The following KIF24 variants were observed in gnomAD, a reference collection of about 807,000 sequenced individuals.
The protein encoded by KIF24 is kinesin-like protein KIF24.
KIF24 carries 81 observed loss-of-function variants against 118.9 expected under a neutral mutation model. The observed-to-expected ratio is 0.68, with a 90% CI of 0.57 to 0.82. The LOEUF (loss-of-function observed/expected upper bound fraction) is 0.82, where lower values mean the gene tolerates loss of function less well. KIF24 is among the 40% of genes least tolerant of loss of function. The probability of loss-of-function intolerance (pLI) is 0.00; values close to 1 mark genes in which losing one functional copy is unlikely to be tolerated. For missense variants in KIF24, 1,560 were observed against 1,661.6 expected, an observed-to-expected ratio of 0.94 and a Z score of 1.06; for synonymous variants, 599 against 610.0, an observed-to-expected ratio of 0.98 and a Z score of 0.27.
chr9:34,309,195 T>A (rs1837045047), intron 2 of KIF24, among the ~76,000 whole-genome samples: 1 of 152,208 alleles, frequency 6.6e-6, no homozygotes, highest in African/African-American at 2.4e-5. Flanking sequence ...GTATTTTTAC[T>A]TATAAGTAAT....
rs1837384266 is a variant in KIF24 at position 34,318,067 on chromosome 9, T to A, written c.-25-6696A>T. 6.6e-6 allele frequency among the ~76,000 whole-genome samples: 1 copy of A among 152,080 alleles called. No individual in the cohort carries two copies. Among genetic ancestry groups the A allele is most frequent in the South Asian group, 2.1e-4 (1 of 4,828 alleles). On this transcript the variant is annotated intron_variant, in intron 1 of 12. Coordinates refer to ENST00000402558, the MANE Select transcript of KIF24 (RefSeq NM_194313.4). The surrounding 1 kb of genome is among the most constrained non-coding windows in gnomAD (Gnocchi z 4.9). ...TGGGAGCAAAGGATTGCTTTAAGAATCCTTTCCTCAACATGTAGAAGCCTG... is the reference window on the plus strand; with the variant it reads ...TGGGAGCAAAGGATTGCTTTAAGAAACCTTTCCTCAACATGTAGAAGCCTG...
In KIF24 at chr9:34,306,353, C is replaced by T; in HGVS notation, c.712G>A (p.Val238Ile). The change falls in exon 3 of 13, where the codon GTA becomes ATA. Residue 238 changes from valine (V) to isoleucine (I), a missense_variant. Around this residue, in one of 3 missense-constraint regions of KIF24, gnomAD observed 964 missense variants for 988.0 expected, o/e 0.98. Coordinates refer to ENST00000402558, the MANE Select transcript of KIF24 (RefSeq NM_194313.4). ...ATAATATTAATTTCTCCACGACGTA[C>T]CTCCCTCATGCCCAGGGGGCGTTTT... ...VRKRPLGMRE[V>I]RRGEINIITV... The T allele has an allele frequency of 1.2e-6, 2 of 1,604,844 alleles. No homozygotes were observed. Among genetic ancestry groups the T allele is most frequent in the Non-Finnish European group, 8.5e-7 (1 of 1,171,892 alleles).
chr9:34,300,624 T>G (rs1204260976), intron 3 of KIF24, among the ~76,000 whole-genome samples: 2 of 152,248 alleles, frequency 1.3e-5, no homozygotes, highest in African/African-American at 4.8e-5. Context: ...TGCCTCGGCC[T>G]ACCAAAGTGC....
intron 1 of KIF24, among the ~76,000 whole-genome samples, chr9:34,328,109 A>G (rs978273876): frequency 6.6e-6 from 1 of 152,220 alleles, no homozygotes; most frequent in Non-Finnish European, 1.5e-5. Flanking sequence ...CTGTGAATAT[A>G]TAATCCATGA....
rs1350828515 is a variant in KIF24, at chr9:34,319,085, C to G, written c.-25-7714G>C. ...GGAAAACCGTGGCTTCATGGTGACT[C>G]GGTTCTATACCGTGGGTGTCATGGT... On this transcript the variant is annotated intron_variant, in intron 1 of 12. Coordinates refer to ENST00000402558, the MANE Select transcript of KIF24 (RefSeq NM_194313.4). 5.3e-6 allele frequency: 7 copies of G among 1,330,952 alleles called. No homozygotes were observed. The African/African-American group carries it at 1.0e-4, about 19-fold the overall frequency. The allele number at this position is 1,330,952 out of a possible 1,614,324, so 82.4% of individuals were successfully genotyped here.
chr9:34,318,651 T>C lies in KIF24; in HGVS notation c.-25-7280A>G. The C allele has an allele frequency of 6.5e-7, 1 of 1,542,290 alleles. No homozygotes were observed. Among genetic ancestry groups the C allele is most frequent in the Non-Finnish European group, 8.8e-7 (1 of 1,135,180 alleles). On this transcript the variant is annotated intron_variant, in intron 1 of 12. Coordinates refer to ENST00000402558, the MANE Select transcript of KIF24 (RefSeq NM_194313.4). This position sits in a 1 kb window ranked among gnomAD's most constrained non-coding sequence, Gnocchi z 4.9. ...GCCTCGTCGTTGGGGCTCGTGTCGC[T>C]GGGCGGCAAGGCGACCACGGCGTCG... is the stretch of plus-strand genomic sequence containing the variant.
chr9:34,311,124 C>T lies in KIF24; in HGVS notation c.223G>A (p.Glu75Lys), dbSNP rs1391244166. Residue 75 changes from glutamate to lysine, a missense_variant, in exon 2 of 13, where the codon GAG (glutamate) becomes AAG (lysine). Transcript: ENST00000402558. ...QEEDKAVSIPERHLQTSSLRI... is the reference protein window; with the variant it reads ...QEEDKAVSIPKRHLQTSSLRI... ...AGGCTGCTTGTCTGAAGATGACGCT[C>T]TGGGATACTGACTGCTTTATCTTCT... The T allele has an allele frequency of 1.9e-6, 3 of 1,613,750 alleles. No homozygotes were observed. The highest frequency in any genetic ancestry group is 1.1e-5 in the South Asian group (1 of 91,062).
intron 6 of KIF24, among the ~76,000 whole-genome samples, chr9:34,279,999 T>A (rs1399459860): frequency 6.6e-6 from 1 of 152,072 alleles, no homozygotes; most frequent in African/African-American, 2.4e-5. Context: ...AATAGAACAG[T>A]GCCGGCCGGG....
intron 6 of KIF24, among the ~76,000 whole-genome samples, chr9:34,274,978 G>C (rs1371193982): frequency 6.6e-6 from 1 of 152,130 alleles, no homozygotes; most frequent in Non-Finnish European, 1.5e-5. Context: ...ACACTAGAAG[G>C]ATGGTTACCA....
At chr9:34,292,064 G>A (rs1836274949) in intron 4 of KIF24, among the ~76,000 whole-genome samples, 1 of 152,138 alleles carries the variant, frequency 6.6e-6, no homozygotes, top group Non-Finnish European at 1.5e-5. Flanking sequence ...CTTCACACAT[G>A]GAGGACACAG....
At chr9:34,291,066 A>G (rs1836237824) in intron 4 of KIF24, among the ~76,000 whole-genome samples, 1 of 152,216 alleles carries the variant, frequency 6.6e-6, no homozygotes, top group Non-Finnish European at 1.5e-5. Flanking sequence ...TATTAATCTG[A>G]AAAGTTAAAT....
At chr9:34,323,511 G>C (rs1837583852) in intron 1 of KIF24, among the ~76,000 whole-genome samples, 1 of 152,224 alleles carries the variant, frequency 6.6e-6, no homozygotes, top group African/African-American at 2.4e-5. Flanking sequence ...CCAATGTTGG[G>C]TTTAAATTCA....
At chr9:34,316,507 G>T (rs773942824) in intron 1 of KIF24, among the ~76,000 whole-genome samples, 3 of 152,026 alleles carry the variant, frequency 2.0e-5, no homozygotes, top group Non-Finnish European at 2.9e-5. Context: ...GGGCCCTTAC[G>T]ACTTTAAGAA....
chr9:34,280,011 G>A (rs1049588969), intron 6 of KIF24, among the ~76,000 whole-genome samples: 29 of 151,742 alleles, frequency 1.9e-4, no homozygotes, highest in Non-Finnish European at 7.4e-5. Flanking sequence ...CCGGCCGGGC[G>A]CGGTGGCTCA....
At chr9:34,319,087 G>C (rs1189821654) in intron 1 of KIF24, 1 of 1,339,820 alleles carries the variant, frequency 7.5e-7, no homozygotes, top group Non-Finnish European at 1.1e-6. Flanking sequence ...TGGTGACTCG[G>C]TTCTATACCG....
intron 5 of KIF24, among the ~76,000 whole-genome samples, chr9:34,289,512 C>G (rs796622695): frequency 6.6e-6 from 1 of 152,192 alleles, no homozygotes; most frequent in South Asian, 2.1e-4. Flanking sequence ...CCACCTCCCC[C>G]ATTCCCTCTA....
rs374111094 is a variant in KIF24, at chr9:34,328,083, C to G, written c.-26+1023G>C. On this transcript the variant is annotated intron_variant, in intron 1 of 12. Transcript: ENST00000402558. ...CTATGAATTTGATATAAGGAGCAATCACACCAACAATCAGGCTGTGAATAT... is the reference window on the plus strand; with the variant it reads ...CTATGAATTTGATATAAGGAGCAATGACACCAACAATCAGGCTGTGAATAT... 4.6e-5 allele frequency among the ~76,000 whole-genome samples: 7 copies of G among 152,274 alleles called. No homozygotes were observed. In the South Asian group the frequency reaches 1.0e-3, roughly 23 times the overall value.
At chr9:34,288,564 A>G (rs1026539572) in intron 5 of KIF24, among the ~76,000 whole-genome samples, 8 of 151,970 alleles carry the variant, frequency 5.3e-5, no homozygotes, top group African/African-American at 1.9e-4. Context: ...ATGGACCAGA[A>G]CATTTCAGAA....
intron 3 of KIF24, among the ~76,000 whole-genome samples, chr9:34,299,281 A>G (rs1836602619): frequency 2.0e-5 from 3 of 151,944 alleles, no homozygotes; most frequent in African/African-American, 7.3e-5. Flanking sequence ...CTTGGGTTTA[A>G]GCAACTCTCC....
Sources: allele counts gnomAD v4.1 joint callset (sites outside exome capture counted in the v4.1 genomes callset), GRCh38; gene constraint gnomAD v4.1.1; regional missense constraint gnomAD v4.1.1; non-coding constraint Gnocchi (gnomAD v3.1); transcripts MANE v1.5; gene names NCBI Gene and HGNC (gene_info 2026-07-23, HGNC 2026-07-21).